The following ANKRD62 variants were observed in gnomAD, a reference collection of about 807,000 sequenced individuals.
The protein encoded by ANKRD62 is ankyrin repeat domain-containing protein 62.
ANKRD62 carries 61 observed loss-of-function variants against 98.8 expected under a neutral mutation model. That is an observed-to-expected ratio of 0.62 (90% CI 0.50 to 0.76). ANKRD62 has a LOEUF of 0.76. ANKRD62 is among the 30% of genes least tolerant of loss of function. The pLI, the probability that ANKRD62 is intolerant of heterozygous loss-of-function variation, is 0.00. For missense variants in ANKRD62, 933 were observed against 1,082.9 expected (o/e 0.86, Z 1.94); for synonymous variants, 341 against 367.9 (o/e 0.93, Z 0.84).
chr18:12,151,756 C>A, the ANKRD62 span, among the ~76,000 whole-genome samples: 1 of 151,974 alleles, frequency 6.6e-6, no homozygotes, highest in Non-Finnish European at 1.5e-5. Context: ...AGAAAATTAT[C>A]CAAAAGTTCA....
At chr18:12,122,889 A>C (rs1454734450) in intron 11 of ANKRD62, among the ~76,000 whole-genome samples, 3 of 152,174 alleles carry the variant, frequency 2.0e-5, no homozygotes, top group Non-Finnish European at 4.4e-5. Context: ...AAATAGAGCT[A>C]TCTGGTTAGA....
chr18:12,102,784 T>A (rs955946338), intron 6 of ANKRD62: 49 of 988,208 alleles, frequency 5.0e-5, no homozygotes, highest in South Asian at 1.8e-4. Context: ...TGTGTTATTA[T>A]AAAGGTAATA....
At chr18:12,115,730 C>CGTACA (rs1225173431) in intron 10 of ANKRD62, among the ~76,000 whole-genome samples, 196 bp downstream of exon 10, 1 of 152,058 alleles carries the variant, frequency 6.6e-6, no homozygotes, top group East Asian at 1.9e-4. Flanking sequence ...TTCCACTGTA[C>CGTACA]CTTTCTCAGT....
At chr18:12,135,585 A>C in the ANKRD62 span, among the ~76,000 whole-genome samples, 1 of 151,322 alleles carries the variant, frequency 6.6e-6, no homozygotes, top group Admixed American at 6.6e-5. Context: ...GTCAAATGTT[A>C]TTTCTAGTTC....
At chr18:12,152,201 A>C in the ANKRD62 span, among the ~76,000 whole-genome samples, 2 of 135,926 alleles carry the variant, frequency 1.5e-5, no homozygotes, top group Non-Finnish European at 3.2e-5. Context: ...AAAAAAAAAA[A>C]CTGAGGAGGA....
the ANKRD62 span, among the ~76,000 whole-genome samples, chr18:12,171,066 A>G: frequency 2.6e-5 from 4 of 151,596 alleles, no homozygotes; most frequent in Non-Finnish European, 5.9e-5. Context: ...AATACAGCAC[A>G]CTGATGGGTC....
At chr18:12,145,338 C>T in the ANKRD62 span, among the ~76,000 whole-genome samples, 1 of 152,306 alleles carries the variant, frequency 6.6e-6, no homozygotes, top group South Asian at 2.1e-4. Context: ...GGCTAAGCTG[C>T]CCAAACAACA....
At chr18:12,138,784 T>C in the ANKRD62 span, among the ~76,000 whole-genome samples, 6 of 152,244 alleles carry the variant, frequency 3.9e-5, no homozygotes, top group African/African-American at 1.4e-4. Flanking sequence ...ATTGATCCCT[T>C]TACCATTATG....
In ANKRD62 at chr18:12,117,863, G is replaced by C. The variant is rs182393836; in HGVS notation, c.1240+2329G>C. ...TTTATTATACTGTTGGATTCAATTTGCTAAAGAAGTTATGATAAAGTCTTT... is the reference window on the plus strand; with the variant it reads ...TTTATTATACTGTTGGATTCAATTTCCTAAAGAAGTTATGATAAAGTCTTT... On this transcript the variant is annotated intron_variant, in intron 10 of 13. Coordinates refer to ENST00000587848, the MANE Select transcript of ANKRD62 (RefSeq NM_001277333.2). 4.7e-3 allele frequency among the ~76,000 whole-genome samples: 720 copies of C among 152,260 alleles called. 3 individuals carry two copies. The highest frequency in any genetic ancestry group is 0.017 in the African/African-American group (691 of 41,538).
the ANKRD62 span, among the ~76,000 whole-genome samples, chr18:12,176,185 CCTT>C: frequency 2.6e-5 from 4 of 151,830 alleles, no homozygotes; most frequent in Non-Finnish European, 4.4e-5. Context: ...GAGTGAGACT[CCTT>C]CTCAAAAACG....
the ANKRD62 span, among the ~76,000 whole-genome samples, chr18:12,153,251 A>G: frequency 6.6e-6 from 1 of 152,170 alleles, no homozygotes; most frequent in Non-Finnish European, 1.5e-5. Flanking sequence ...CAATTTGTAC[A>G]CTCAATGCTA....
chr18:12,170,098 T>G, the ANKRD62 span, among the ~76,000 whole-genome samples: 2 of 152,214 alleles, frequency 1.3e-5, no homozygotes, highest in Admixed American at 6.5e-5. Context: ...ATTCATTGAT[T>G]TTTTGAAGGG....
chr18:12,171,920 T>TC, the ANKRD62 span, among the ~76,000 whole-genome samples: 1 of 152,256 alleles, frequency 6.6e-6, no homozygotes, highest in Non-Finnish European at 1.5e-5. Flanking sequence ...TTCCACTTGA[T>TC]CGAATTGGCC....
At chr18:12,140,393 G>T in the ANKRD62 span, among the ~76,000 whole-genome samples, 107 of 152,290 alleles carry the variant, frequency 7.0e-4, 1 homozygote, top group Admixed American at 6.9e-3. Flanking sequence ...CTGGTGAGGA[G>T]CTGCGTTCCT....
chr18:12,140,175 C>T, the ANKRD62 span, among the ~76,000 whole-genome samples: 350 of 152,318 alleles, frequency 2.3e-3, 2 homozygotes, highest in Middle Eastern at 0.024. Flanking sequence ...ACGTAGTTCT[C>T]GTGCCTTGGT....
chr18:12,097,962 T>C lies in ANKRD62; in HGVS notation c.752+185T>C, dbSNP rs540919155. ...GACAAGTTAGAAGTAGCAATGAGTG[T>C]AGGATTCTTTAACTCAAGTCTCTTA... On this transcript the variant is annotated intron_variant, in intron 5 of 13. Coordinates refer to ENST00000587848, the MANE Select transcript of ANKRD62 (RefSeq NM_001277333.2). Among the ~76,000 whole-genome samples, 5 of 152,322 alleles carry C rather than the reference T, an allele frequency of 3.3e-5. No homozygotes were observed. The East Asian group carries it at 9.6e-4, about 29-fold the overall frequency.
intron 8 of ANKRD62, among the ~76,000 whole-genome samples, chr18:12,109,699 A>C (rs893960231): frequency 2.6e-5 from 4 of 152,156 alleles, no homozygotes; most frequent in African/African-American, 9.7e-5. Context: ...CAATATTGCT[A>C]AACGTTATCG....
In ANKRD62 at chr18:12,111,052, G is replaced by T. The variant is rs891694654; in HGVS notation, c.1064+3585G>T. ...GCGGATCATGAGGTCAGGAGATTGA[G>T]ACCATCCTAACATGATGAAACCCTG... On this transcript the variant is annotated intron_variant, in intron 8 of 13. Coordinates refer to ENST00000587848, the MANE Select transcript of ANKRD62 (RefSeq NM_001277333.2). Among the ~76,000 whole-genome samples, 6 of 90,792 alleles carry T rather than the reference G, an allele frequency of 6.6e-5. No homozygotes were observed. In the East Asian group the frequency reaches 1.3e-3, roughly 19 times the overall value. The allele number at this position is 90,792 out of a possible 152,430, so 59.6% of individuals were successfully genotyped here.
chr18:12,174,761 G>A, the ANKRD62 span, among the ~76,000 whole-genome samples: 2 of 152,148 alleles, frequency 1.3e-5, no homozygotes, highest in Non-Finnish European at 2.9e-5. Context: ...GATTTTATGG[G>A]CCCAATGTTC....
Sources: gnomAD v4.1 joint callset for allele counts (sites outside exome capture counted in the v4.1 genomes callset) on GRCh38, gnomAD v4.1.1 for gene constraint, MANE v1.5 for transcripts, NCBI Gene and HGNC (gene_info 2026-07-23, HGNC 2026-07-21) for gene names.